Variants in BRWD1 observed in about 807,000 individuals in gnomAD.
BRWD1 encodes the protein bromodomain and WD repeat domain containing 1.
In BRWD1, 82 loss-of-function variants were observed where a neutral mutation model predicts 251.2. The ratio of observed to expected loss-of-function variants is 0.33; its 90% confidence interval spans 0.27 to 0.39. BRWD1 has a LOEUF of 0.39. BRWD1 is among the 10% of genes least tolerant of loss of function. The probability of loss-of-function intolerance (pLI) is 1.00; values close to 1 mark genes in which losing one functional copy is unlikely to be tolerated. For synonymous variants in BRWD1, 918 were observed against 902.8 expected (o/e 1.02, Z -0.30); for missense variants, 2,233 against 2,711.6 (o/e 0.82, Z 3.92).
At chr21:39,244,796 G>A (rs1400139125) in intron 21 of BRWD1, among the ~76,000 whole-genome samples, 1 of 151,602 alleles carries the variant, frequency 6.6e-6, no homozygotes, top group African/African-American at 2.4e-5. Context: ...TTCCAGACTA[G>A]GATACTACAC....
intron 4 of BRWD1, among the ~76,000 whole-genome samples, chr21:39,308,481 C>CAA (rs35833623): frequency 7.1e-4 from 76 of 107,394 alleles, no homozygotes; most frequent in African/African-American, 2.5e-3. Context: ...CACCTTGTCT[C>CAA]AAAAAAAAAA....
At chr21:39,268,254 G>A (rs1194956974) in intron 15 of BRWD1, among the ~76,000 whole-genome samples, 1 of 151,882 alleles carries the variant, frequency 6.6e-6, no homozygotes, top group Non-Finnish European at 1.5e-5. Context: ...GCCTGGCCAA[G>A]ATGGTGAAAC....
Position 39,187,924 on chromosome 21 carries a change from T to C in BRWD1, c.*8335A>G. 1.0e-6 allele frequency: 1 copy of C among 982,118 alleles called. No individual in the cohort carries two copies. Among genetic ancestry groups the C allele is most frequent in the Non-Finnish European group, 1.2e-6 (1 of 826,914 alleles). 60.8% of individuals were successfully genotyped at this position (982,118 alleles called of 1,614,324 possible). On this transcript the variant is annotated 3_prime_UTR_variant, in exon 41 of 41. Transcript: ENST00000342449. ...GGAAGGCTTCCTTTAAGGAAGCTTT[T>C]AGACGAGAGGTGAAAATTGTGAAGG...
intron 21 of BRWD1, among the ~76,000 whole-genome samples, chr21:39,244,687 GT>G (rs2034117716): frequency 6.6e-6 from 1 of 151,912 alleles, no homozygotes; most frequent in African/African-American, 2.4e-5. Flanking sequence ...TTACGTAACA[GT>G]TTTCCCAAAG....
chr21:39,235,117 C>T lies in BRWD1; in HGVS notation c.2766+1478G>A, dbSNP rs1386646488. ...TACGAAACTTAGCCAGGCGTGGTTG[C>T]GTGGGCCTGTAGTCCCAGCTACTTG... On this transcript the variant is annotated intron_variant, in intron 23 of 40. Transcript: ENST00000342449. 2.6e-5 allele frequency among the ~76,000 whole-genome samples: 4 copies of T among 152,094 alleles called. No homozygotes were observed. The South Asian group carries it at 6.2e-4, about 24-fold the overall frequency.
rs371636442 is a variant in BRWD1, at chr21:39,199,456, T to C, written c.4960A>G (p.Ser1654Gly). Residue 1654 changes from serine to glycine, a missense_variant, in exon 40 of 41, where the codon AGT becomes GGT. Physicochemically the swap from Ser to Gly is moderately conservative, Grantham distance 56 (BLOSUM62 0). Transcript: ENST00000342449. ...SDVEENSSSESVCSGRKLPHR... is the reference protein window; with the variant it reads ...SDVEENSSSEGVCSGRKLPHR... Reference sequence around the variant, plus strand: ...GGCAGCTTCCGACCAGAACAGACACTTTCAGAGCTAGAATTCTCTTCTACA... The same window carrying C: ...GGCAGCTTCCGACCAGAACAGACACCTTCAGAGCTAGAATTCTCTTCTACA... 3.7e-6 allele frequency: 6 copies of C among 1,614,120 alleles called. No homozygotes were observed. In the African/African-American group the frequency reaches 8.0e-5, roughly 22 times the overall value.
chr21:39,264,357 A>G (rs1156800233), intron 17 of BRWD1, 103 bp downstream of exon 17: 5 of 746,122 alleles, frequency 6.7e-6, no homozygotes, highest in African/African-American at 1.9e-5. Context: ...ATATTGCAAA[A>G]TATTAATAAT....
In BRWD1 at chr21:39,298,570, T is replaced by C; in HGVS notation, c.211A>G (p.Lys71Glu). 1.9e-6 allele frequency: 3 copies of C among 1,597,144 alleles called. No homozygotes were observed. The highest frequency in any genetic ancestry group is 2.6e-6 in the Non-Finnish European group (3 of 1,173,960). ...RSYEELVLSN[K>E]HVAPDHLLQI... Reference sequence around the variant, plus strand: ...AAAAGATGATCAGGAGCCACATGCTTATTGGACAAGACCTAGTTGGAGAGC... The same window carrying C: ...AAAAGATGATCAGGAGCCACATGCTCATTGGACAAGACCTAGTTGGAGAGC... The change falls in exon 5 of 41, where the codon AAG (lysine) becomes GAG (glutamate). Residue 71 changes from lysine to glutamate, a missense_variant. By Grantham distance (56) the Lys-to-Glu change is moderately conservative. Coordinates refer to ENST00000342449, the MANE Select transcript of BRWD1 (RefSeq NM_033656.4).
Position 39,194,036 on chromosome 21 carries a change from C to A in BRWD1, c.*2223G>T, listed in dbSNP as rs1403948007. On this transcript the variant is annotated 3_prime_UTR_variant, in exon 41 of 41. Transcript: ENST00000342449. Reference sequence around the variant, plus strand: ...AAAGACATCAGGTCCATTCTTGCTGCTTCTGATGAAACCAAATCTGATTAA... The same window carrying A: ...AAAGACATCAGGTCCATTCTTGCTGATTCTGATGAAACCAAATCTGATTAA... 1.0e-6 allele frequency: 1 copy of A among 985,404 alleles called. No individual in the cohort carries two copies. Among genetic ancestry groups the A allele is most frequent in the Non-Finnish European group, 1.2e-6 (1 of 829,726 alleles). 61.0% of individuals were successfully genotyped at this position (985,404 alleles called of 1,614,324 possible). A position where few individuals can be genotyped will look rare whatever the true frequency, so the allele number is the denominator to read the frequency against.
chr21:39,274,249 A>G (rs748969419), intron 13 of BRWD1, 125 bp downstream of exon 13: 5 of 715,576 alleles, frequency 7.0e-6, no homozygotes, highest in Non-Finnish European at 7.2e-6. Context: ...AGCTCTTCGT[A>G]ATAGAAGGTA....
At chr21:39,277,217 T>C in intron 11 of BRWD1, 34 bp downstream of exon 11, 2 of 1,480,232 alleles carry the variant, frequency 1.4e-6, no homozygotes, top group Non-Finnish European at 1.9e-6. Context: ...GTATTAACAA[T>C]TAATCTAAAG....
intron 4 of BRWD1, among the ~76,000 whole-genome samples, chr21:39,310,211 A>C (rs1284566702): frequency 6.6e-6 from 1 of 152,186 alleles, no homozygotes; most frequent in African/African-American, 2.4e-5. Context: ...GCAAGTTAGT[A>C]ACTTTCAAAA....
At position 39,199,389 on chromosome 21, in the gene BRWD1, T is replaced by C. The variant is rs1228966261; in HGVS notation, c.5027A>G (p.His1676Arg). The C allele has an allele frequency of 1.2e-6, 2 of 1,614,144 alleles. No individual in the cohort carries two copies. The highest frequency in any genetic ancestry group is 1.3e-5 in the African/African-American group (1 of 74,950). The change falls in exon 40 of 41, where the codon CAT becomes CGT. Residue 1676 changes from histidine (H) to arginine (R), a missense_variant. By Grantham distance (29) the His-to-Arg change is conservative (BLOSUM62 0). Around this residue, in one of 12 missense-constraint regions of BRWD1, gnomAD observed 928 missense variants for 970.0 expected, o/e 0.96. Transcript: ENST00000342449. The stretch of plus-strand genomic sequence containing the variant: ...TAAGCTCTGTTCATCTTCAGAATTA[T>C]GTAATAACTTTTTTCTAGCTACAGC... ...ASAVARKKLL[H>R]NSEDEQSLKS...
At chr21:39,249,916 GTGT>G (rs1177059881) in intron 20 of BRWD1, among the ~76,000 whole-genome samples, 1 of 6,912 alleles carries the variant, frequency 1.4e-4, no homozygotes, top group African/African-American at 3.8e-4. Flanking sequence ...AAGAAGGGGG[GTGT>G]GTGTGTGTGT....
chr21:39,217,469 G>T, intron 31 of BRWD1: 1 of 201,336 alleles, frequency 5.0e-6, no homozygotes, highest in South Asian at 8.3e-5. Flanking sequence ...TCAACAGAAC[G>T]AAGCCCTGGT....
rs1601322599 is a variant in BRWD1 at position 39,225,290 on chromosome 21, A to AAGC, written c.3209-96_3209-94dup. On this transcript the variant is annotated intron_variant, in intron 27 of 40. Transcript: ENST00000342449. ...AAAATACCATATGATACAGATAAAA[A>AAGC]AGCCAAAAGCACAATACAAAAACAG... 30 of 752,428 alleles carry AAGC rather than the reference A, an allele frequency of 4.0e-5. No homozygotes were observed. In the East Asian group the frequency reaches 8.2e-4, roughly 21 times the overall value. 46.6% of individuals were successfully genotyped at this position (752,428 alleles called of 1,614,324 possible).
chr21:39,312,629 G>C (rs951710445), intron 4 of BRWD1: 2 of 387,870 alleles, frequency 5.2e-6, no homozygotes, highest in Non-Finnish European at 9.5e-6. Context: ...GCTCCGCCCC[G>C]CGCCGCCCCC....
intron 21 of BRWD1, among the ~76,000 whole-genome samples, chr21:39,244,032 C>T (rs974833659): frequency 2.0e-4 from 30 of 152,094 alleles, no homozygotes; most frequent in African/African-American, 7.2e-4. Flanking sequence ...TGAACTGATG[C>T]TTCGGTAAGG....
chr21:39,288,296 T>G (rs2035704011), intron 8 of BRWD1, among the ~76,000 whole-genome samples: 1 of 152,182 alleles, frequency 6.6e-6, no homozygotes, highest in Non-Finnish European at 1.5e-5. Context: ...AAAGTCACAT[T>G]ATACCATTTT....
Sources: allele counts gnomAD v4.1 joint callset (sites outside exome capture counted in the v4.1 genomes callset), GRCh38; gene constraint gnomAD v4.1.1; regional missense constraint gnomAD v4.1.1; transcripts MANE v1.5; gene names NCBI Gene and HGNC (gene_info 2026-07-23, HGNC 2026-07-21).